The following BRCA2 variants were observed in gnomAD, a reference collection of about 807,000 sequenced individuals.
BRCA2 encodes breast cancer type 2 susceptibility protein.
BRCA2 carries 203 observed loss-of-function variants against 276.7 expected under a neutral mutation model. The ratio of observed to expected loss-of-function variants is 0.73; its 90% CI spans 0.65 to 0.82. The LOEUF is 0.82. Ranked by LOEUF, BRCA2 falls within the 40% of genes least tolerant of loss-of-function variation. The pLI is 0.00. For synonymous variants in BRCA2, 1,289 were observed against 1,338.4 expected (o/e 0.96, Z 0.81); for missense variants, 3,920 against 3,915.0 (o/e 1.00, Z -0.03).
At chr13:32,322,437 T>G (rs1389793637) in intron 3 of BRCA2, among the ~76,000 whole-genome samples, 1 of 152,208 alleles carries the variant, frequency 6.6e-6, no homozygotes, top group East Asian at 1.9e-4. Context: ...GATTATAGAT[T>G]AACTGAAAGT....
At position 32,355,272 on chromosome 13, in the gene BRCA2, TGAA is replaced by T. The variant is rs876659222; in HGVS notation, c.7426_7428del (p.Glu2476del). On this transcript the variant is annotated inframe_deletion, in exon 14 of 27. Transcript: ENST00000380152. ...CAGTAGCTGTAACTTTCACAAAGTG[TGAA>T]GAAGAACCTTTAGGTATTGTATGAC... 3.1e-6 allele frequency: 5 copies of T among 1,613,648 alleles called. No individual in the cohort carries two copies. Among genetic ancestry groups the T allele is most frequent in the Admixed American group, 1.7e-5 (1 of 59,992 alleles).
At chr13:32,395,596 A>G (rs2073030354) in intron 25 of BRCA2, among the ~76,000 whole-genome samples, 1 of 152,192 alleles carries the variant, frequency 6.6e-6, no homozygotes, top group African/African-American at 2.4e-5. Flanking sequence ...ACTAGGATTC[A>G]TACTTAGGCC....
At chr13:32,352,689 A>G (rs935122041) in intron 13 of BRCA2, among the ~76,000 whole-genome samples, 2 of 152,218 alleles carry the variant, frequency 1.3e-5, no homozygotes, top group Non-Finnish European at 2.9e-5. Context: ...GTCATTTCTG[A>G]TAAGTTGAAA....
At chr13:32,355,402 T>G in intron 14 of BRCA2, 114 bp downstream of exon 14, 1 of 1,184,986 alleles carries the variant, frequency 8.4e-7, no homozygotes, top group East Asian at 2.5e-5. Context: ...AAAGCCCTTT[T>G]TAATGTTTTA....
chr13:32,366,802 A>G lies in BRCA2; in HGVS notation c.8331+3269A>G, dbSNP rs2137589109. On this transcript the variant is annotated intron_variant, in intron 18 of 26. Coordinates refer to ENST00000380152, the MANE Select transcript of BRCA2 (RefSeq NM_000059.4). ...GCACCACTGCACTCCAGCCTGGGCG[A>G]CAAAGTGAGACCCTGTCTCAAAGAA... Among the ~76,000 whole-genome samples the G allele has an allele frequency of 1.3e-5, 2 of 151,780 alleles. 1 individual carries two copies.
In BRCA2 at chr13:32,325,318, A is replaced by G. The variant is rs1161413496; in HGVS notation, c.425+134A>G. ...GGTAGAAGATCTTACATTTTTAAAT[A>G]ATCTTTTAGGTTGAGTCCTTTAATA... On this transcript the variant is annotated intron_variant, in intron 4 of 26. Transcript: ENST00000380152. 3 of 658,532 alleles carry G rather than the reference A, an allele frequency of 4.6e-6. No individual in the cohort carries two copies. In the Admixed American group the frequency reaches 8.2e-5, roughly 18 times the overall value. The allele number at this position is 658,532 out of a possible 1,614,324, so 40.8% of individuals were successfully genotyped here.
At position 32,316,436 on chromosome 13, in the gene BRCA2, C is replaced by G. The variant is rs1566214506; in HGVS notation, c.-25C>G. 2 of 1,603,054 alleles carry G rather than the reference C, an allele frequency of 1.2e-6. No homozygotes were observed. Among genetic ancestry groups the G allele is most frequent in the Non-Finnish European group, 1.7e-6 (2 of 1,170,014 alleles). Reference sequence around the variant, plus strand: ...CTGTTTTGCAGACTTATTTACCAAGCATTGGAGGAATATCGTAGGTAAAAA... The same window carrying G: ...CTGTTTTGCAGACTTATTTACCAAGGATTGGAGGAATATCGTAGGTAAAAA... On this transcript the variant is annotated 5_prime_UTR_variant, in exon 2 of 27. Transcript: ENST00000380152.
chr13:32,377,168 C>G (rs763817202), intron 21 of BRCA2, among the ~76,000 whole-genome samples: 1 of 152,138 alleles, frequency 6.6e-6, no homozygotes, highest in Non-Finnish European at 1.5e-5. Flanking sequence ...TCAAGTCCTT[C>G]CTGGAGTGTA....
At chr13:32,350,771 TA>T (rs1296180766) in intron 13 of BRCA2, among the ~76,000 whole-genome samples, 2 of 151,448 alleles carry the variant, frequency 1.3e-5, no homozygotes, top group African/African-American at 4.9e-5. Flanking sequence ...AACAACAAAA[TA>T]AAAAAATAAA....
intron 13 of BRCA2, among the ~76,000 whole-genome samples, chr13:32,353,103 T>C (rs906324269): frequency 2.0e-5 from 3 of 152,216 alleles, no homozygotes; most frequent in African/African-American, 7.2e-5. Flanking sequence ...CCAGCAATTA[T>C]CTTGTCTCTC....
intron 13 of BRCA2, among the ~76,000 whole-genome samples, chr13:32,352,225 ATTTCT>A (rs1303120724): frequency 2.0e-5 from 3 of 151,320 alleles, no homozygotes; most frequent in African/African-American, 7.3e-5. Flanking sequence ...TTTTTTTTTC[ATTTCT>A]TTTTTTTTTA....
chr13:32,379,073 T>C (rs1056043871), intron 21 of BRCA2, among the ~76,000 whole-genome samples: 2 of 152,204 alleles, frequency 1.3e-5, no homozygotes, highest in African/African-American at 4.8e-5. Flanking sequence ...TGTAATGTAG[T>C]TGGTGATGAT....
intron 16 of BRCA2, 88 bp from the exon 17 acceptor site, chr13:32,362,435 A>G (rs1012860973): frequency 5.5e-6 from 7 of 1,261,538 alleles, no homozygotes; most frequent in Middle Eastern, 4.1e-4. Context: ...TGAACAATGT[A>G]GTTTTTGTAC....
rs80359604 is a variant in BRCA2, at chr13:32,329,467, CTG to C, written c.658_659del (p.Val220IlefsTer4). ...GTCAGAAATGAAGAAGCATCTGAAA[CTG>C]TATTTCCTCATGATACTACTGCTGT... On this transcript the variant is annotated frameshift_variant, in exon 8 of 27. Transcript: ENST00000380152. LOFTEE classifies it high-confidence loss of function. 41 of 1,597,642 alleles carry C rather than the reference CTG, an allele frequency of 2.6e-5. No individual in the cohort carries two copies. Among genetic ancestry groups the C allele is most frequent in the African/African-American group, 6.7e-5 (5 of 74,578 alleles).
rs1131692130 is a variant in BRCA2, at chr13:32,319,189, C to T, written c.180C>T (p.Asn60=). The change falls in exon 3 of 27, where the codon AAC becomes AAT. Residue 60 remains asparagine, a synonymous_variant. Transcript: ENST00000380152. ...ATAAAAACAACAATTACGAACCAAA[C>T]CTATTTAAAACTCCACAAAGGAAAC... ...SEHKNNNYEP[N]LFKTPQRKPS... 2 of 1,614,008 alleles carry T rather than the reference C, an allele frequency of 1.2e-6. No individual in the cohort carries two copies. Among genetic ancestry groups the T allele is most frequent in the Admixed American group, 3.3e-5 (2 of 60,020 alleles).
chr13:32,316,175 T>C (rs1482585814), intron 1 of BRCA2, among the ~76,000 whole-genome samples: 1 of 152,206 alleles, frequency 6.6e-6, no homozygotes, highest in Non-Finnish European at 1.5e-5. Context: ...TGATTGAAAC[T>C]AAATCGTATG....
intron 10 of BRCA2, among the ~76,000 whole-genome samples, chr13:32,335,793 T>C (rs1249184981): frequency 1.3e-5 from 2 of 152,198 alleles, no homozygotes; most frequent in Non-Finnish European, 2.9e-5. Flanking sequence ...AACTGAAAAA[T>C]AGAGCATATT....
At chr13:32,328,399 G>A (rs1447644914) in intron 7 of BRCA2, among the ~76,000 whole-genome samples, 2 of 151,840 alleles carry the variant, frequency 1.3e-5, no homozygotes, top group Non-Finnish European at 2.9e-5. Flanking sequence ...CCACCACCAC[G>A]CCTGACTAAT....
Position 32,325,079 on chromosome 13 carries a change from G to C in BRCA2, c.320G>C (p.Arg107Thr), listed in dbSNP as rs1172322930. The change falls in exon 4 of 27, where the codon AGG becomes ACG. Residue 107 changes from arginine (R) to threonine (T), a missense_variant. Around this residue, in one of 2 missense-constraint regions of BRCA2, gnomAD observed 3,263 missense variants for 3,156.9 expected, o/e 1.03. Transcript: ENST00000380152. Reference sequence around the variant, plus strand: ...CTGAATTATTGTACTGTTTCAGGAAGGAATGTTCCCAATAGTAGACATAAA... The same window carrying C: ...CTGAATTATTGTACTGTTTCAGGAACGAATGTTCCCAATAGTAGACATAAA... Reference protein sequence around the residue: ...ELDKFKLDLGRNVPNSRHKSL... With the variant: ...ELDKFKLDLGTNVPNSRHKSL... The C allele has an allele frequency of 1.3e-6, 2 of 1,569,020 alleles. No homozygotes were observed. The highest frequency in any genetic ancestry group is 4.5e-5 in the East Asian group (2 of 44,626).
Sources: allele counts gnomAD v4.1 joint callset (sites outside exome capture counted in the v4.1 genomes callset), GRCh38; gene constraint gnomAD v4.1.1; regional missense constraint gnomAD v4.1.1; transcripts MANE v1.5; gene names NCBI Gene and HGNC (gene_info 2026-07-23, HGNC 2026-07-21).